The following PROS1 variants were observed in gnomAD, a reference collection of about 807,000 sequenced individuals.
The protein encoded by PROS1 is vitamin K-dependent protein S.
Under a neutral mutation model 75.9 loss-of-function variants are expected in PROS1, and 29 were observed. The ratio of observed to expected loss-of-function variants is 0.38; its 90% CI spans 0.28 to 0.52. PROS1 has a LOEUF of 0.52. Among genes scored for constraint, PROS1 ranks in the 20% least tolerant of loss-of-function variants. The pLI, the probability that PROS1 is intolerant of heterozygous loss-of-function variation, is 0.83. For missense variants in PROS1, 680 were observed against 810.3 expected (o/e 0.84, Z 1.95); for synonymous variants, 245 against 280.6 (o/e 0.87, Z 1.27).
intron 13 of PROS1, among the ~76,000 whole-genome samples, chr3:93,878,016 C>T (rs1708216991): frequency 2.0e-5 from 3 of 152,182 alleles, no homozygotes; most frequent in East Asian, 1.9e-4. Context: ...GAAAATGCTC[C>T]AAAATGATCA....
chr3:93,928,236 C>T (rs1360043313), intron 1 of PROS1, among the ~76,000 whole-genome samples: 2 of 149,238 alleles, frequency 1.3e-5, no homozygotes, highest in African/African-American at 2.5e-5. Context: ...GAGGCTAAGG[C>T]GGGAGTGCCA....
chr3:93,889,190 T>C (rs1162892451), intron 10 of PROS1, among the ~76,000 whole-genome samples: 2 of 152,206 alleles, frequency 1.3e-5, no homozygotes, highest in African/African-American at 2.4e-5. Flanking sequence ...ACCATTACTC[T>C]CTATGTCTTT....
intron 1 of PROS1, among the ~76,000 whole-genome samples, chr3:93,935,222 T>C (rs946619410): frequency 2.6e-5 from 4 of 152,128 alleles, no homozygotes; most frequent in African/African-American, 9.7e-5. Flanking sequence ...CTATTTTTTT[T>C]CTCCTGACTA....
chr3:93,874,679 A>G (rs1424725604), intron 14 of PROS1, among the ~76,000 whole-genome samples: 1 of 152,148 alleles, frequency 6.6e-6, no homozygotes, highest in East Asian at 1.9e-4. Context: ...AGTAGAAACA[A>G]GCATATTCTT....
At chr3:93,878,803 CAGT>C (rs1708228748) in intron 13 of PROS1, among the ~76,000 whole-genome samples, 1 of 152,016 alleles carries the variant, frequency 6.6e-6, no homozygotes, top group African/African-American at 2.4e-5. Context: ...TCTATGTTGA[CAGT>C]ACAGACTAAT....
chr3:93,915,282 A>G (rs1559937848), intron 3 of PROS1, among the ~76,000 whole-genome samples: 1 of 152,146 alleles, frequency 6.6e-6, no homozygotes, highest in Non-Finnish European at 1.5e-5. Context: ...CCTGGCAAAC[A>G]TGGCAAAATG....
At chr3:93,968,599 G>A (rs146909990) in intron 1 of PROS1, among the ~76,000 whole-genome samples, 15 of 151,998 alleles carry the variant, frequency 9.9e-5, no homozygotes, top group African/African-American at 3.1e-4. Context: ...AACTGCATTC[G>A]GCTCACCTAC....
At chr3:93,885,166 T>G (rs1159919485) in intron 11 of PROS1, among the ~76,000 whole-genome samples, 1 of 152,152 alleles carries the variant, frequency 6.6e-6, no homozygotes, top group African/African-American at 2.4e-5. Flanking sequence ...CATCATCCAG[T>G]GGTAACTTTT....
At chr3:93,879,364 A>T in intron 12 of PROS1, 50 bp from the exon 13 acceptor site, 1 of 1,584,024 alleles carries the variant, frequency 6.3e-7, no homozygotes, top group African/African-American at 1.3e-5. Context: ...CCTAAAGTGC[A>T]TCAGAAGGAA....
chr3:93,935,988 T>G (rs1373530415), intron 1 of PROS1, among the ~76,000 whole-genome samples: 2 of 145,602 alleles, frequency 1.4e-5, no homozygotes, highest in Non-Finnish European at 3.0e-5. Flanking sequence ...ACAGACAAAA[T>G]GAAAAAACTA....
At chr3:93,901,685 A>C (rs1171969122) in intron 6 of PROS1, among the ~76,000 whole-genome samples, 1 of 152,228 alleles carries the variant, frequency 6.6e-6, no homozygotes, top group Non-Finnish European at 1.5e-5. Flanking sequence ...TTTCCAGATT[A>C]ATAGTCAAAA....
At chr3:93,874,535 T>C in intron 14 of PROS1, 130 bp from the exon 15 acceptor site, 1 of 1,247,340 alleles carries the variant, frequency 8.0e-7, no homozygotes, top group South Asian at 1.5e-5. Context: ...AATAGTGAAA[T>C]TCTATTCCAT....
intron 12 of PROS1, among the ~76,000 whole-genome samples, chr3:93,884,073 C>T (rs2107136230): frequency 6.6e-6 from 1 of 152,302 alleles, no homozygotes. Flanking sequence ...TACTAAGAGC[C>T]TAGCAAAAGA....
At chr3:93,943,837 T>A (rs1040317814) in intron 1 of PROS1, among the ~76,000 whole-genome samples, 2 of 152,148 alleles carry the variant, frequency 1.3e-5, no homozygotes, top group Non-Finnish European at 2.9e-5. Flanking sequence ...TTACTTCCCC[T>A]GGCTCAGAAG....
chr3:93,973,737 C>G lies in PROS1; in HGVS notation c.13G>C (p.Gly5Arg). The G allele has an allele frequency of 1.9e-6, 3 of 1,613,370 alleles. No homozygotes were observed. The South Asian group carries it at 3.3e-5, about 18-fold the overall frequency. ...GCCAGCAGCGCCCCGCAGCGCCCACCCAGGACCCTCATTTCGAAGCGCGCG... is the reference window on the plus strand; with the variant it reads ...GCCAGCAGCGCCCCGCAGCGCCCACGCAGGACCCTCATTTCGAAGCGCGCG... The part of the protein sequence containing the change: MRVL[G>R]GRCGALLACL... The change falls in exon 1 of 15, where the codon GGT (glycine) becomes CGT (arginine). Residue 5 changes from glycine to arginine, a missense_variant. Transcript: ENST00000394236.
At chr3:93,965,306 G>A (rs1038413234) in intron 1 of PROS1, among the ~76,000 whole-genome samples, 3 of 152,168 alleles carry the variant, frequency 2.0e-5, no homozygotes, top group Non-Finnish European at 4.4e-5. Flanking sequence ...TCGCAGACCC[G>A]CTGCTGACTC....
At chr3:93,881,925 T>C (rs1318606781) in intron 12 of PROS1, among the ~76,000 whole-genome samples, 4 of 152,152 alleles carry the variant, frequency 2.6e-5, no homozygotes, top group Non-Finnish European at 4.4e-5. Flanking sequence ...AGCAGAGATA[T>C]CACATTAGTG....
chr3:93,915,335 A>G (rs977798999), intron 3 of PROS1, among the ~76,000 whole-genome samples: 1 of 152,062 alleles, frequency 6.6e-6, no homozygotes, highest in Non-Finnish European at 1.5e-5. Context: ...GTGTGGTGGC[A>G]CACACCTGTA....
intron 4 of PROS1, 49 bp downstream of exon 4, chr3:93,910,570 C>T (rs1161764701): frequency 4.1e-6 from 6 of 1,454,800 alleles, no homozygotes; most frequent in Admixed American, 1.7e-5. Context: ...GTGTACTTTA[C>T]CTACAGAGTT....
Sources: gnomAD v4.1 joint callset for allele counts (sites outside exome capture counted in the v4.1 genomes callset) on GRCh38, gnomAD v4.1.1 for gene constraint, MANE v1.5 for transcripts, NCBI Gene and HGNC (gene_info 2026-07-23, HGNC 2026-07-21) for gene names.